BPIFA3: variants seen among roughly 807,000 people sequenced by gnomAD.
BPIFA3 encodes the protein BPI fold containing family A member 3.
A neutral mutation model predicts 29.7 loss-of-function variants in BPIFA3; 32 were observed. The observed-to-expected ratio is 1.08, with a 90% CI of 0.81 to 1.45. BPIFA3 has a LOEUF of 1.45. Among genes scored for constraint, BPIFA3 ranks in the 40% most tolerant of loss-of-function variants. The pLI is 0.00. For synonymous variants in BPIFA3, 112 were observed against 113.7 expected, an observed-to-expected ratio of 0.98 and a Z score of 0.10; for missense variants, 323 against 311.3, an observed-to-expected ratio of 1.04 and a Z score of -0.28.
intron 1 of BPIFA3, among the ~76,000 whole-genome samples, chr20:33,219,613 G>T (rs934477920): frequency 2.0e-5 from 3 of 152,144 alleles, no homozygotes; most frequent in African/African-American, 7.2e-5. Flanking sequence ...CTCTCCATAT[G>T]ACTCAGTTTC....
At chr20:33,219,624 C>T (rs1190348282) in intron 1 of BPIFA3, among the ~76,000 whole-genome samples, 4 of 152,158 alleles carry the variant, frequency 2.6e-5, no homozygotes, top group African/African-American at 7.2e-5. Context: ...ACTCAGTTTC[C>T]CCAACTCATC....
chr20:33,221,681 A>G (rs1985522755), intron 1 of BPIFA3, among the ~76,000 whole-genome samples: 1 of 152,024 alleles, frequency 6.6e-6, no homozygotes, highest in Non-Finnish European at 1.5e-5. Context: ...AAAAGCTCTC[A>G]GAGAATGAGA....
At chr20:33,224,130 T>A (rs772230225) in intron 2 of BPIFA3, among the ~76,000 whole-genome samples, 169 bp downstream of exon 2, 10 of 152,200 alleles carry the variant, frequency 6.6e-5, no homozygotes, top group African/African-American at 9.7e-5. Flanking sequence ...GGGGCCCAGC[T>A]GCACAAATCA....
chr20:33,226,272 C>T lies in BPIFA3; in HGVS notation c.537-134C>T, dbSNP rs79198503. On this transcript the variant is annotated intron_variant, in intron 4 of 6. Transcript: ENST00000375454. ...GTCTGAGCTACCCCTTTGATGATCA[C>T]TGACAATGATACTTCTGGCATGGGG... is the stretch of plus-strand genomic sequence containing the variant. The T allele has an allele frequency of 5.9e-3, 4,057 of 685,462 alleles. 128 individuals carry two copies. The African/African-American group carries it at 0.066, about 11-fold the overall frequency. The allele number at this position is 685,462 out of a possible 1,614,324, so 42.5% of individuals were successfully genotyped here. A position where few individuals can be genotyped will look rare whatever the true frequency, so the allele number is the denominator to read the frequency against.
chr20:33,226,606 C>T, intron 5 of BPIFA3, 116 bp downstream of exon 5: 1 of 797,984 alleles, frequency 1.3e-6, no homozygotes. Flanking sequence ...CTTGAAAAAT[C>T]TCAATTTAAA....
chr20:33,220,461 T>A (rs1341729002), intron 1 of BPIFA3, among the ~76,000 whole-genome samples: 3 of 151,960 alleles, frequency 2.0e-5, no homozygotes, highest in Non-Finnish European at 4.4e-5. Context: ...TTAAAGAGAG[T>A]TGATATTTTA....
In BPIFA3 at chr20:33,223,965, A is replaced by C; in HGVS notation, c.278+4A>C. The C allele has an allele frequency of 6.2e-7, 1 of 1,613,732 alleles. No homozygotes were observed. Among genetic ancestry groups the C allele is most frequent in the Non-Finnish European group, 8.5e-7 (1 of 1,179,880 alleles). ...ACCAGCAGCAGCAAGAGAGCAGGTG[A>C]GACCCTGAGTTCTATCCGTGGCCCT... On this transcript the variant is annotated splice_donor_region_variant and intron_variant, in intron 2 of 6. Transcript: ENST00000375454.
chr20:33,226,967 A>T lies in BPIFA3; in HGVS notation c.659A>T (p.Asp220Val). The T allele has an allele frequency of 6.2e-7, 1 of 1,614,078 alleles. No individual in the cohort carries two copies. The highest frequency in any genetic ancestry group is 1.1e-5 in the South Asian group (1 of 91,080). ...PLIGEILGQL[D>V]VKLLKSLIEQ... ...ATCGGTGAAATCCTCGGGCAGCTGG[A>T]TGTGAAACTGTTGAAAAGCCTCATA... is the stretch of plus-strand genomic sequence containing the variant. Residue 220 changes from aspartate to valine, a missense_variant, in exon 6 of 7, where the codon GAT becomes GTT. By Grantham distance (152) the Asp-to-Val change is radical. Transcript: ENST00000375454.
intron 3 of BPIFA3, 147 bp downstream of exon 3, chr20:33,224,609 C>G: frequency 1.5e-6 from 1 of 679,240 alleles, no homozygotes; most frequent in South Asian, 1.8e-5. Context: ...CACTTCACCT[C>G]TCTGAGCCTT....
intron 4 of BPIFA3, 102 bp from the exon 5 acceptor site, chr20:33,226,304 G>A: frequency 1.2e-6 from 1 of 834,386 alleles, no homozygotes. Flanking sequence ...GGGGCTGAGT[G>A]AGGACTAAAA....
intron 4 of BPIFA3, 65 bp downstream of exon 4, chr20:33,225,312 C>A: frequency 1.2e-6 from 2 of 1,603,082 alleles, no homozygotes; most frequent in South Asian, 1.1e-5. Context: ...GCTGCAGGGT[C>A]ACTTCCTGAC....
chr20:33,217,839 T>C (rs1025992608), intron 1 of BPIFA3, among the ~76,000 whole-genome samples, 176 bp downstream of exon 1: 2 of 152,248 alleles, frequency 1.3e-5, no homozygotes, highest in Admixed American at 1.3e-4. Context: ...TGCCAATTTC[T>C]AGCACATCCT....
rs139122449 is a variant in BPIFA3 at position 33,224,810 on chromosome 20, G to T, written c.387-288G>T. On this transcript the variant is annotated intron_variant, in intron 3 of 6. Coordinates refer to ENST00000375454, the MANE Select transcript of BPIFA3 (RefSeq NM_178466.5). ...ATCCTTTGACATCCACTGCCCCCAAGAAAGGGAGGATGCAGCTAAATGGGA... is the reference window on the plus strand; with the variant it reads ...ATCCTTTGACATCCACTGCCCCCAATAAAGGGAGGATGCAGCTAAATGGGA... Among the ~76,000 whole-genome samples, 664 of 152,298 alleles carry T rather than the reference G, an allele frequency of 4.4e-3. 3 individuals carry two copies. The highest frequency in any genetic ancestry group is 0.031 in the Middle Eastern group (9 of 294).
chr20:33,227,042 C>T lies in BPIFA3; in HGVS notation c.685+49C>T, dbSNP rs199674478. On this transcript the variant is annotated intron_variant, in intron 6 of 6. Transcript: ENST00000375454. Reference sequence around the variant, plus strand: ...AGGACTTCTTAGGACTGGCAAGTGGCTGAAAGAGGTACCCCCGGCCCTGGA... The same window carrying T: ...AGGACTTCTTAGGACTGGCAAGTGGTTGAAAGAGGTACCCCCGGCCCTGGA... 278 of 1,555,818 alleles carry T rather than the reference C, an allele frequency of 1.8e-4. 2 individuals carry two copies. The African/African-American group carries it at 3.3e-3, about 18-fold the overall frequency.
At chr20:33,224,616 C>T (rs1985689888) in intron 3 of BPIFA3, among the ~76,000 whole-genome samples, 154 bp downstream of exon 3, 1 of 152,138 alleles carries the variant, frequency 6.6e-6, no homozygotes, top group South Asian at 2.1e-4. Flanking sequence ...CCTCTCTGAG[C>T]CTTGGTTTCT....
At chr20:33,225,485 A>G in intron 4 of BPIFA3, 1 of 537,720 alleles carries the variant, frequency 1.9e-6, no homozygotes, top group South Asian at 2.6e-5. Flanking sequence ...ATGACTTGCT[A>G]GTAGCCCTCA....
rs773062645 is a variant in BPIFA3, at chr20:33,217,714, G to T, written c.127+51G>T. 4.5e-6 allele frequency: 7 copies of T among 1,572,610 alleles called. No homozygotes were observed. The highest frequency in any genetic ancestry group is 6.0e-6 in the Non-Finnish European group (7 of 1,161,390). On this transcript the variant is annotated intron_variant, in intron 1 of 6. Transcript: ENST00000375454. ...GCTGCCTACGGGGCTGGGGAGGTGG[G>T]AAGGTGCCATCTGGGCTCCACTGCT...
intron 1 of BPIFA3, among the ~76,000 whole-genome samples, chr20:33,222,055 C>T (rs1366928399): frequency 6.6e-5 from 10 of 152,176 alleles, no homozygotes; most frequent in African/African-American, 2.4e-4. Context: ...ACTATATTAT[C>T]AGTTAGAGTA....
chr20:33,226,105 A>G (rs1207271651), intron 4 of BPIFA3: 1 of 279,010 alleles, frequency 3.6e-6, no homozygotes, highest in Non-Finnish European at 6.6e-6. Context: ...CTGTTCATTT[A>G]TTCATCAGAT....
Sources: allele counts gnomAD v4.1 joint callset (sites outside exome capture counted in the v4.1 genomes callset), GRCh38; gene constraint gnomAD v4.1.1; transcripts MANE v1.5; gene names NCBI Gene and HGNC (gene_info 2026-07-23, HGNC 2026-07-21).